The following PIK3CD variants were observed in gnomAD, a reference collection of about 807,000 sequenced individuals.
PIK3CD encodes phosphatidylinositol 4,5-bisphosphate 3-kinase catalytic subunit delta isoform.
In PIK3CD, 20 loss-of-function variants were observed where a neutral mutation model predicts 122.9. That is an observed-to-expected ratio of 0.16 (90% CI 0.11 to 0.24). The LOEUF (loss-of-function observed/expected upper bound fraction) is 0.24. PIK3CD is among the 10% of genes least tolerant of loss of function. The pLI is 1.00. For synonymous variants in PIK3CD, 596 were observed against 593.4 expected, an observed-to-expected ratio of 1.00 and a Z score of -0.06; for missense variants, 787 against 1,406.3, an observed-to-expected ratio of 0.56 and a Z score of 7.04.
the PIK3CD span, among the ~76,000 whole-genome samples, chr1:9,642,264 C>T: frequency 6.6e-6 from 1 of 151,756 alleles, no homozygotes; most frequent in East Asian, 2.0e-4. Flanking sequence ...AGGCATGCAC[C>T]ACCATGCCCA....
At chr1:9,642,945 G>A in the PIK3CD span, among the ~76,000 whole-genome samples, 5 of 150,856 alleles carry the variant, frequency 3.3e-5, no homozygotes, top group Admixed American at 2.7e-4. Flanking sequence ...AAAATTAGCC[G>A]GGTGTGGTGG....
At chr1:9,628,473 C>T in the PIK3CD span, among the ~76,000 whole-genome samples, 4 of 152,186 alleles carry the variant, frequency 2.6e-5, no homozygotes, top group Non-Finnish European at 5.9e-5. Flanking sequence ...TTATTTATTT[C>T]CAACAGCAAT....
intron 1 of PIK3CD, among the ~76,000 whole-genome samples, chr1:9,675,246 C>T (rs1456251957): frequency 1.3e-5 from 2 of 149,554 alleles, no homozygotes; most frequent in African/African-American, 2.5e-5. Flanking sequence ...ATTAGCCGGG[C>T]GTGGTAGCGG....
At chr1:9,636,698 A>G in the PIK3CD span, among the ~76,000 whole-genome samples, 2 of 152,180 alleles carry the variant, frequency 1.3e-5, no homozygotes, top group South Asian at 2.1e-4. Context: ...TTTTTGGTTC[A>G]TGGGCCAACT....
At chr1:9,628,956 TTGCCGTC>T in the PIK3CD span, among the ~76,000 whole-genome samples, 1 of 152,136 alleles carries the variant, frequency 6.6e-6, no homozygotes, top group African/African-American at 2.4e-5. Context: ...AAGCCCCCGT[TTGCCGTC>T]TGTGGTCTGC....
At chr1:9,712,016 C>T (rs950920911) in intron 3 of PIK3CD, among the ~76,000 whole-genome samples, 27 of 152,030 alleles carry the variant, frequency 1.8e-4, no homozygotes, top group African/African-American at 6.5e-4. Flanking sequence ...CCTGCCTCAG[C>T]CTCCCGAGTA....
Position 9,721,801 on chromosome 1 carries a change from C to A in PIK3CD, c.1996C>A (p.Leu666Ile). Residue 666 changes from leucine to isoleucine, a missense_variant, in exon 16 of 24, where the codon CTC becomes ATC. Physicochemically the swap from Leu to Ile is conservative, Grantham distance 5. Around this residue, in one of 6 missense-constraint regions of PIK3CD, gnomAD observed 592 missense variants for 920.6 expected, o/e 0.64. Transcript: ENST00000377346. ...HVPSVALRFG[L>I]ILEAYCRGST... is the part of the protein sequence containing the mutation. ...GCCGTCGGTGGCCCTGCGCTTCGGC[C>A]TCATCCTGGAGGCCTACTGCAGGGG... The A allele has an allele frequency of 6.2e-7, 1 of 1,613,264 alleles. No individual in the cohort carries two copies. The highest frequency in any genetic ancestry group is 8.5e-7 in the Non-Finnish European group (1 of 1,179,958).
rs765061150 is a variant in PIK3CD at position 9,717,056 on chromosome 1, C to T, written c.878C>T (p.Ala293Val). The T allele has an allele frequency of 7.4e-6, 12 of 1,613,964 alleles. No individual in the cohort carries two copies. The highest frequency in any genetic ancestry group is 1.0e-5 in the Non-Finnish European group (12 of 1,179,996). ...LAMRDEQSNP[A>V]PQVQKPRAKP... Reference sequence around the variant, plus strand: ...ATGCGGGATGAGCAGAGCAACCCTGCCCCCCAGGTCCAGAAACCGCGTGCC... The same window carrying T: ...ATGCGGGATGAGCAGAGCAACCCTGTCCCCCAGGTCCAGAAACCGCGTGCC... Residue 293 changes from alanine to valine, a missense_variant, in exon 7 of 24, where the codon GCC (alanine) becomes GTC (valine). Ala to Val is a moderately conservative substitution (Grantham distance 64, BLOSUM62 0). Coordinates refer to ENST00000377346, the MANE Select transcript of PIK3CD (RefSeq NM_005026.5). This position sits in a 1 kb window ranked among gnomAD's most constrained non-coding sequence, Gnocchi z 5.4.
chr1:9,627,949 G>T, the PIK3CD span, among the ~76,000 whole-genome samples: 1 of 152,248 alleles, frequency 6.6e-6, no homozygotes, highest in East Asian at 1.9e-4. Context: ...AACCATGGAG[G>T]CAGATGGCAC....
chr1:9,660,002 G>A (rs1235461645), intron 1 of PIK3CD, among the ~76,000 whole-genome samples: 1 of 152,092 alleles, frequency 6.6e-6, no homozygotes, highest in African/African-American at 2.4e-5. Flanking sequence ...CACAACCTCC[G>A]CCTCCCAGGT....
Position 9,720,373 on chromosome 1 carries a change from C to G in PIK3CD, c.1470+131C>G. 1 of 1,391,310 alleles carries G rather than the reference C, an allele frequency of 7.2e-7. No individual in the cohort carries two copies. 86.2% of individuals were successfully genotyped at this position (1,391,310 alleles called of 1,614,324 possible). ...GCTACCAGGCATATCTGGGGCCTTC[C>G]CAGGGGCCATTTTGCCTGCAGGGAT... is the stretch of plus-strand genomic sequence containing the variant. On this transcript the variant is annotated intron_variant, in intron 11 of 23. Transcript: ENST00000377346. This position sits in a 1 kb window ranked among gnomAD's most constrained non-coding sequence, Gnocchi z 9.0.
intron 1 of PIK3CD, among the ~76,000 whole-genome samples, chr1:9,656,203 C>A (rs773996724): frequency 1.3e-5 from 2 of 152,114 alleles, no homozygotes; most frequent in Non-Finnish European, 2.9e-5. Flanking sequence ...ATTTTTGGTC[C>A]TGGAGGGATG....
intron 2 of PIK3CD, among the ~76,000 whole-genome samples, chr1:9,708,637 C>T (rs944979134): frequency 6.6e-6 from 1 of 151,990 alleles, no homozygotes; most frequent in Non-Finnish European, 1.5e-5. Flanking sequence ...CACTTGAGGT[C>T]AGGAGTTCGA....
chr1:9,628,080 A>C, the PIK3CD span, among the ~76,000 whole-genome samples: 2 of 152,158 alleles, frequency 1.3e-5, no homozygotes, highest in Non-Finnish European at 2.9e-5. Flanking sequence ...AGGCCAGTGG[A>C]TCACCTGAGG....
chr1:9,648,486 G>A (rs532690776), upstream of PIK3CD, among the ~76,000 whole-genome samples: 356 of 152,336 alleles, frequency 2.3e-3, 1 homozygote, highest in African/African-American at 8.1e-3. Flanking sequence ...CATGGTTAAG[G>A]CCAGGTGTTA....
intron 1 of PIK3CD, among the ~76,000 whole-genome samples, chr1:9,684,063 G>A (rs1645872230): frequency 6.6e-6 from 1 of 152,112 alleles, no homozygotes; most frequent in Admixed American, 6.6e-5. Context: ...TAACCAAGGA[G>A]GAAGCGGCAT....
At chr1:9,713,493 G>T (rs954704333) in intron 3 of PIK3CD, among the ~76,000 whole-genome samples, 1 of 151,806 alleles carries the variant, frequency 6.6e-6, no homozygotes, top group Non-Finnish European at 1.5e-5. Context: ...TATGTACAGT[G>T]TTTTTTTTGT....
In PIK3CD at chr1:9,716,500, C is replaced by G. The variant is rs1458892485; in HGVS notation, c.661C>G (p.Leu221Val). ...DVPLALMACA[L>V]RKKATVFRQP... ...GCCGCTGGCGCTGATGGCCTGTGCCCTGCGGAAGAAGGCCACAGTGTTCCG... is the reference window on the plus strand; with the variant it reads ...GCCGCTGGCGCTGATGGCCTGTGCCGTGCGGAAGAAGGCCACAGTGTTCCG... Residue 221 changes from leucine (L) to valine (V), a missense_variant, in exon 6 of 24, where the codon CTG (leucine) becomes GTG (valine). This residue lies in a region of PIK3CD where 592 missense variants were observed against 920.6 expected (regional missense o/e 0.64). Transcript: ENST00000377346. 6.2e-7 allele frequency: 1 copy of G among 1,611,080 alleles called. No individual in the cohort carries two copies. The highest frequency in any genetic ancestry group is 1.3e-5 in the African/African-American group (1 of 74,994).
In PIK3CD at chr1:9,717,767, C is replaced by A; in HGVS notation, c.1020+141C>A. ...TTACCCAGCATCCCTGCCTGGGGCG[C>A]TGTGAGCGGCTTGAAAACAGGAAGT... On this transcript the variant is annotated intron_variant, in intron 8 of 23. Coordinates refer to ENST00000377346, the MANE Select transcript of PIK3CD (RefSeq NM_005026.5). The surrounding 1 kb of genome is among the most constrained non-coding windows in gnomAD (Gnocchi z 5.4). The A allele has an allele frequency of 1.2e-6, 1 of 802,166 alleles. No individual in the cohort carries two copies. The highest frequency in any genetic ancestry group is 2.1e-6 in the Non-Finnish European group (1 of 482,770). The allele number at this position is 802,166 out of a possible 1,614,324, so 49.7% of individuals were successfully genotyped here.
Sources: gnomAD v4.1 joint callset for allele counts (sites outside exome capture counted in the v4.1 genomes callset) on GRCh38, gnomAD v4.1.1 for gene constraint, gnomAD v4.1.1 regional missense constraint, Gnocchi (gnomAD v3.1) non-coding constraint, MANE v1.5 for transcripts, NCBI Gene and HGNC (gene_info 2026-07-23, HGNC 2026-07-21) for gene names.